The following CLNK variants were observed in gnomAD, a reference collection of about 807,000 sequenced individuals.
CLNK encodes the protein cytokine dependent hematopoietic cell linker, also known as cytokine-dependent hematopoietic cell linker.
Under a neutral mutation model 68.6 loss-of-function variants are expected in CLNK, and 74 were observed. The observed-to-expected ratio is 1.08, with a 90% CI of 0.89 to 1.31. CLNK has a LOEUF of 1.31. CLNK is among the 50% of genes most tolerant of loss of function. The pLI, the probability that CLNK is intolerant of heterozygous loss-of-function variation, is 0.00. For missense variants in CLNK, 553 were observed against 515.3 expected (o/e 1.07, Z -0.71); for synonymous variants, 198 against 172.2 (o/e 1.15, Z -1.17).
the CLNK span, among the ~76,000 whole-genome samples, chr4:10,721,692 A>T: frequency 1.3e-5 from 2 of 152,234 alleles, no homozygotes; most frequent in Non-Finnish European, 2.9e-5. Flanking sequence ...TCATTTAAAC[A>T]GTAATTATCG....
chr4:10,511,138 A>T (rs546452923), intron 16 of CLNK, among the ~76,000 whole-genome samples: 82 of 152,276 alleles, frequency 5.4e-4, no homozygotes, highest in African/African-American at 1.9e-3. Context: ...AGCCTGGGCA[A>T]AAAGAGCGGA....
chr4:10,513,428 C>T (rs377390953), intron 16 of CLNK, 36 bp downstream of exon 16: 5 of 1,592,708 alleles, frequency 3.1e-6, no homozygotes, highest in African/African-American at 1.3e-5. Flanking sequence ...ATGCCAAGTA[C>T]ATCTAGAAGG....
chr4:10,511,714 A>G (rs974527768), intron 16 of CLNK, among the ~76,000 whole-genome samples: 2 of 152,144 alleles, frequency 1.3e-5, no homozygotes, highest in Admixed American at 1.3e-4. Context: ...TAGAGCTGTA[A>G]ACTGTTTCAT....
chr4:10,581,878 CT>C (rs1219750490), intron 4 of CLNK, among the ~76,000 whole-genome samples: 1 of 151,926 alleles, frequency 6.6e-6, no homozygotes, highest in Non-Finnish European at 1.5e-5. Flanking sequence ...TAGTTTTCTT[CT>C]CTCTCTCTCT....
chr4:10,538,372 G>T (rs533430393), intron 11 of CLNK, among the ~76,000 whole-genome samples: 9 of 152,184 alleles, frequency 5.9e-5, no homozygotes, highest in Admixed American at 3.3e-4. Context: ...CATGTGAGCC[G>T]CCTGCCTCGG....
At chr4:10,722,218 G>A in the CLNK span, among the ~76,000 whole-genome samples, 1 of 152,080 alleles carries the variant, frequency 6.6e-6, no homozygotes, top group Non-Finnish European at 1.5e-5. Flanking sequence ...GAGGAAAGGA[G>A]GGAGAGCAAC....
chr4:10,581,400 C>T (rs574940896), intron 4 of CLNK, among the ~76,000 whole-genome samples: 22 of 152,244 alleles, frequency 1.4e-4, no homozygotes, highest in Non-Finnish European at 2.9e-4. Context: ...TCATCTAGCT[C>T]TCTGGGTATT....
intron 4 of CLNK, among the ~76,000 whole-genome samples, chr4:10,575,827 T>G (rs1720540916): frequency 6.6e-6 from 1 of 152,286 alleles, no homozygotes. Flanking sequence ...TGGATTGTGA[T>G]GTGAGGAAGA....
At chr4:10,699,285 C>CACACACATATACACCACGTATGT in the CLNK span, among the ~76,000 whole-genome samples, 1 of 46,190 alleles carries the variant, frequency 2.2e-5, no homozygotes, top group African/African-American at 9.3e-5. Flanking sequence ...ACACCACATA[C>CACACACATATACACCACGTATGT]GTGTATACAC....
intron 8 of CLNK, among the ~76,000 whole-genome samples, chr4:10,543,372 T>C (rs1161035972): frequency 2.6e-5 from 4 of 152,166 alleles, no homozygotes; most frequent in Admixed American, 1.3e-4. Context: ...TCTTTTGTTA[T>C]AGGAGACTTA....
intron 4 of CLNK, among the ~76,000 whole-genome samples, chr4:10,579,807 G>T (rs760677560): frequency 6.6e-6 from 1 of 152,126 alleles, no homozygotes; most frequent in Admixed American, 6.5e-5. Context: ...CCCCACCTGT[G>T]TAGAACACCA....
chr4:10,676,614 T>C (rs986951186), intron 1 of CLNK, among the ~76,000 whole-genome samples: 50 of 152,242 alleles, frequency 3.3e-4, no homozygotes, highest in African/African-American at 1.2e-3. Flanking sequence ...ATTATTCCTG[T>C]TGAGTTTTGT....
At chr4:10,682,281 G>T (rs577294917) in intron 1 of CLNK, among the ~76,000 whole-genome samples, 4 of 152,120 alleles carry the variant, frequency 2.6e-5, no homozygotes, top group Non-Finnish European at 4.4e-5. Context: ...TCTCTGGTTA[G>T]TAATTTAGCC....
intron 2 of CLNK, among the ~76,000 whole-genome samples, chr4:10,654,173 A>T (rs1267144871): frequency 6.6e-6 from 1 of 151,944 alleles, no homozygotes; most frequent in Non-Finnish European, 1.5e-5. Flanking sequence ...TCTCATTAAT[A>T]CTCATTAATG....
At chr4:10,613,207 C>T (rs1722098512) in intron 2 of CLNK, among the ~76,000 whole-genome samples, 1 of 151,938 alleles carries the variant, frequency 6.6e-6, no homozygotes, top group Non-Finnish European at 1.5e-5. Flanking sequence ...TGATAAGGTG[C>T]TCTGGAAGGA....
At chr4:10,713,863 T>A in the CLNK span, among the ~76,000 whole-genome samples, 1 of 152,204 alleles carries the variant, frequency 6.6e-6, no homozygotes, top group Non-Finnish European at 1.5e-5. Flanking sequence ...ATAGACCTCT[T>A]TTCTTTACCA....
intron 18 of CLNK, among the ~76,000 whole-genome samples, chr4:10,499,456 T>C (rs6448010): frequency 0.99 from 151,212 of 152,314 alleles, 75,073 homozygotes; most frequent in East Asian, 1. Context: ...GTGCTGACTA[T>C]TCCTCTCCGA....
chr4:10,546,265 T>G (rs369397383), intron 8 of CLNK, among the ~76,000 whole-genome samples: 1 of 152,216 alleles, frequency 6.6e-6, no homozygotes, highest in African/African-American at 2.4e-5. Flanking sequence ...CTGTAAATTA[T>G]TTCTCTGCTC....
At chr4:10,609,154 A>G (rs956898550) in intron 2 of CLNK, among the ~76,000 whole-genome samples, 5 of 152,204 alleles carry the variant, frequency 3.3e-5, no homozygotes, top group Admixed American at 2.6e-4. Context: ...GAACCAAGCC[A>G]ATGAGCAAGG....
Sources: gnomAD v4.1 joint callset for allele counts (sites outside exome capture counted in the v4.1 genomes callset) on GRCh38, gnomAD v4.1.1 for gene constraint, MANE v1.5 for transcripts, NCBI Gene and HGNC (gene_info 2026-07-23, HGNC 2026-07-21) for gene names.